Variants in SNPH observed in about 807,000 individuals in gnomAD.
SNPH encodes syntaphilin.
In SNPH, 10 loss-of-function variants were observed where a neutral mutation model predicts 36.8. The observed-to-expected ratio is 0.27, with a 90% CI of 0.17 to 0.46. The LOEUF (loss-of-function observed/expected upper bound fraction) is 0.46, where lower values mean the gene tolerates loss of function less well. SNPH is among the 20% of genes least tolerant of loss of function. The pLI, the probability that SNPH is intolerant of heterozygous loss-of-function variation, is 1.00. For synonymous variants in SNPH, 281 were observed against 312.2 expected, an observed-to-expected ratio of 0.90 and a Z score of 1.05; for missense variants, 622 against 744.0, an observed-to-expected ratio of 0.84 and a Z score of 1.91.
intron 2 of SNPH, among the ~76,000 whole-genome samples, chr20:1,282,541 C>A (rs1227854562): frequency 1.3e-5 from 2 of 152,184 alleles, no homozygotes; most frequent in African/African-American, 4.8e-5. Flanking sequence ...TGAGAAGGGG[C>A]AGCAATCAAA....
chr20:1,273,296 G>A (rs901912870), intron 2 of SNPH, among the ~76,000 whole-genome samples: 1 of 152,160 alleles, frequency 6.6e-6, no homozygotes, highest in Non-Finnish European at 1.5e-5. Flanking sequence ...CCCTACCACG[G>A]TTTCAGGGCC....
At chr20:1,267,288 C>G (rs1466368651) in intron 2 of SNPH, among the ~76,000 whole-genome samples, 1 of 152,136 alleles carries the variant, frequency 6.6e-6, no homozygotes, top group East Asian at 1.9e-4. Context: ...CCCGGAGCTT[C>G]CCTGGGATGT....
chr20:1,277,976 T>C (rs1051683443), intron 2 of SNPH, among the ~76,000 whole-genome samples: 2 of 150,984 alleles, frequency 1.3e-5, no homozygotes, highest in African/African-American at 4.9e-5. Context: ...TGTGTGTATC[T>C]GTGTGTGTGG....
intron 2 of SNPH, among the ~76,000 whole-genome samples, chr20:1,279,090 G>A (rs898867283): frequency 6.6e-6 from 1 of 152,196 alleles, no homozygotes; most frequent in African/African-American, 2.4e-5. Context: ...GTTCCTAGAA[G>A]AAGAATGGTT....
intron 2 of SNPH, among the ~76,000 whole-genome samples, chr20:1,277,020 C>T (rs1323714515): frequency 6.6e-6 from 1 of 152,026 alleles, no homozygotes; most frequent in African/African-American, 2.4e-5. Context: ...AGGCTTTCTC[C>T]CAAGAGGTGG....
chr20:1,305,848 G>A lies in SNPH; in HGVS notation c.1411G>A (p.Val471Met), dbSNP rs767962726. 16 of 1,594,188 alleles carry A rather than the reference G, an allele frequency of 1.0e-5. No homozygotes were observed. Among genetic ancestry groups the A allele is most frequent in the East Asian group, 4.5e-5 (2 of 44,256 alleles). The change falls in exon 7 of 7, where the codon GTG (valine) becomes ATG (methionine). Residue 471 changes from valine (V) to methionine (M), a missense_variant. Transcript: ENST00000381867. ...GAGCTACTGGAGCCGCCACTACATC[G>A]TGGATCTGCTGGCTGTGGTGGTGCC... ...PKSYWSRHYI[V>M]DLLAVVVPAV...
chr20:1,282,358 A>C (rs1057314832), intron 2 of SNPH, among the ~76,000 whole-genome samples: 2 of 152,274 alleles, frequency 1.3e-5, no homozygotes, highest in Non-Finnish European at 2.9e-5. Context: ...AGACCCATCA[A>C]ATGGAATACT....
chr20:1,293,687 C>G (rs1448827203), intron 2 of SNPH, among the ~76,000 whole-genome samples: 1 of 152,198 alleles, frequency 6.6e-6, no homozygotes, highest in African/African-American at 2.4e-5. Context: ...AGGGGAAATG[C>G]GTCTTCCACC....
rs370542814 is a variant in SNPH at position 1,276,445 on chromosome 20, C to T, written c.-493+9685C>T. ...TTGGATACACTTGGACTGCTGTCTCCGTCTCTGCCGTGGACTGACTTTGTG... is the reference window on the plus strand; with the variant it reads ...TTGGATACACTTGGACTGCTGTCTCTGTCTCTGCCGTGGACTGACTTTGTG... On this transcript the variant is annotated intron_variant, in intron 2 of 6. Transcript: ENST00000381867. The surrounding 1 kb of genome is among the most constrained non-coding windows in gnomAD (Gnocchi z 4.6). Among the ~76,000 whole-genome samples the T allele has an allele frequency of 3.3e-4, 50 of 152,274 alleles. No homozygotes were observed. Among genetic ancestry groups the T allele is most frequent in the East Asian group, 1.2e-3 (6 of 5,164 alleles).
At chr20:1,289,255 C>G (rs998025949) in intron 2 of SNPH, among the ~76,000 whole-genome samples, 1 of 152,092 alleles carries the variant, frequency 6.6e-6, no homozygotes, top group African/African-American at 2.4e-5. Flanking sequence ...CCTGGCCTCC[C>G]TCTATGGGGA....
At chr20:1,277,698 GTCTGTCTGTGCC>G in intron 2 of SNPH, among the ~76,000 whole-genome samples, 1 of 148,032 alleles carries the variant, frequency 6.8e-6, no homozygotes, top group East Asian at 2.0e-4. Flanking sequence ...GTGCCTGTGT[GTCTGTCTGTGCC>G]TGTGTGTCTG....
intron 2 of SNPH, among the ~76,000 whole-genome samples, chr20:1,277,012 G>T (rs1039765775): frequency 6.6e-6 from 1 of 152,128 alleles, no homozygotes; most frequent in African/African-American, 2.4e-5. Context: ...CTAATTGAAG[G>T]CTTTCTCCCA....
intron 6 of SNPH, among the ~76,000 whole-genome samples, chr20:1,303,672 A>G (rs1037491288): frequency 6.6e-6 from 1 of 152,108 alleles, no homozygotes; most frequent in African/African-American, 2.4e-5. Context: ...CTCAGCCCCC[A>G]GTCCCTCCAG....
At chr20:1,288,376 G>T (rs1350294989) in intron 2 of SNPH, among the ~76,000 whole-genome samples, 4 of 152,128 alleles carry the variant, frequency 2.6e-5, no homozygotes, top group Non-Finnish European at 4.4e-5. Flanking sequence ...CAGCTGAGAC[G>T]AACAGAGGTC....
rs535620777 is a variant in SNPH at position 1,276,870 on chromosome 20, C to T, written c.-493+10110C>T. Among the ~76,000 whole-genome samples, 3 of 152,250 alleles carry T rather than the reference C, an allele frequency of 2.0e-5. No homozygotes were observed. The highest frequency in any genetic ancestry group is 7.2e-5 in the African/African-American group (3 of 41,536). ...GGCTTTGAAACCTTCAGATTCTTTC[C>T]TGTCCAGAATTTTTGCGATTCTGTG... is the stretch of plus-strand genomic sequence containing the variant. On this transcript the variant is annotated intron_variant, in intron 2 of 6. Coordinates refer to ENST00000381867, the MANE Select transcript of SNPH (RefSeq NM_001318234.2). The surrounding 1 kb of genome is among the most constrained non-coding windows in gnomAD (Gnocchi z 4.6).
chr20:1,286,505 T>C (rs1003080903), intron 2 of SNPH, among the ~76,000 whole-genome samples: 2 of 152,156 alleles, frequency 1.3e-5, no homozygotes, highest in African/African-American at 4.8e-5. Flanking sequence ...CTGGGCTCCA[T>C]GTCTCCCTGC....
At chr20:1,282,175 G>C (rs1395106596) in intron 2 of SNPH, among the ~76,000 whole-genome samples, 1 of 152,244 alleles carries the variant, frequency 6.6e-6, no homozygotes, top group African/African-American at 2.4e-5. Flanking sequence ...CGGGAAAGCA[G>C]TTTGGCAGCA....
intron 2 of SNPH, among the ~76,000 whole-genome samples, chr20:1,287,203 G>A (rs191556506): frequency 1.3e-5 from 2 of 152,234 alleles, no homozygotes; most frequent in Non-Finnish European, 2.9e-5. Flanking sequence ...CAGGAAGCTT[G>A]GAATTGAATC....
At chr20:1,301,505 CTTT>C (rs11478452) in intron 6 of SNPH, among the ~76,000 whole-genome samples, 2 of 146,596 alleles carry the variant, frequency 1.4e-5, no homozygotes, top group Non-Finnish European at 3.0e-5. Flanking sequence ...TCTTTTCTTT[CTTT>C]TTTTTTTTTA....
Sources: allele counts gnomAD v4.1 joint callset (sites outside exome capture counted in the v4.1 genomes callset), GRCh38; gene constraint gnomAD v4.1.1; non-coding constraint Gnocchi (gnomAD v3.1); transcripts MANE v1.5; gene names NCBI Gene and HGNC (gene_info 2026-07-23, HGNC 2026-07-21).